The following ATXN7L1 variants were observed in gnomAD, a reference collection of about 807,000 sequenced individuals.
The protein encoded by ATXN7L1 is ataxin 7 like 1.
Under a neutral mutation model 70.8 loss-of-function variants are expected in ATXN7L1, and 15 were observed. That is an observed-to-expected ratio of 0.21 (90% CI 0.14 to 0.33). The LOEUF is 0.33. ATXN7L1 is among the 10% of genes least tolerant of loss of function. ATXN7L1 has a pLI of 1.00. For missense variants in ATXN7L1, 975 were observed against 1,097.1 expected (o/e 0.89, Z 1.57); for synonymous variants, 440 against 445.1 (o/e 0.99, Z 0.14).
At chr7:105,744,735 CTTT>C (rs11465151) in intron 3 of ATXN7L1, among the ~76,000 whole-genome samples, 1 of 117,116 alleles carries the variant, frequency 8.5e-6, no homozygotes, top group African/African-American at 3.3e-5. Flanking sequence ...TCTTTCTTTA[CTTT>C]TTTTTTTTTT....
At chr7:105,875,627 A>ACCCGC (rs1554490210) in intron 2 of ATXN7L1, among the ~76,000 whole-genome samples, 185 bp downstream of exon 2, 1 of 94,778 alleles carries the variant, frequency 1.1e-5, no homozygotes, top group Non-Finnish European at 2.0e-5. Flanking sequence ...ACCCCCCTTT[A>ACCCGC]CCCCCCCCCC....
At chr7:105,845,518 T>C (rs1159195388) in intron 2 of ATXN7L1, among the ~76,000 whole-genome samples, 1 of 124,514 alleles carries the variant, frequency 8.0e-6, no homozygotes, top group African/African-American at 2.9e-5. Flanking sequence ...ACCCAGTCTT[T>C]TTTTTTTTTT....
chr7:105,743,463 G>A (rs1005002156), intron 3 of ATXN7L1, among the ~76,000 whole-genome samples: 1 of 152,134 alleles, frequency 6.6e-6, no homozygotes, highest in Non-Finnish European at 1.5e-5. Context: ...GAGAATTCTC[G>A]GTTGCATAAG....
chr7:105,753,685 T>C (rs376877238), intron 3 of ATXN7L1, among the ~76,000 whole-genome samples: 21 of 152,326 alleles, frequency 1.4e-4, no homozygotes, highest in African/African-American at 4.3e-4. Context: ...ACTCTGGAAA[T>C]AAGTTTACAT....
chr7:105,736,056 A>G (rs970568504), intron 3 of ATXN7L1, among the ~76,000 whole-genome samples: 3 of 152,180 alleles, frequency 2.0e-5, no homozygotes, highest in African/African-American at 4.8e-5. Context: ...GCTTCTGAAG[A>G]TGGGTGATCC....
intron 2 of ATXN7L1, chr7:105,819,823 T>C (rs1809838134): frequency 7.9e-6 from 5 of 633,208 alleles, no homozygotes; most frequent in Non-Finnish European, 3.0e-6. Context: ...CCCACCGCCC[T>C]ATGACATGAA....
chr7:105,855,283 T>C (rs1009376816), intron 2 of ATXN7L1, among the ~76,000 whole-genome samples: 1 of 152,208 alleles, frequency 6.6e-6, no homozygotes, highest in Non-Finnish European at 1.5e-5. Flanking sequence ...AACTACTCCA[T>C]GCAGGCATTG....
chr7:105,714,316 C>T (rs1170569314), intron 3 of ATXN7L1, among the ~76,000 whole-genome samples: 1 of 152,228 alleles, frequency 6.6e-6, no homozygotes, highest in Admixed American at 6.5e-5. Flanking sequence ...ATCAGTGCCT[C>T]TGGCAGGAAA....
chr7:105,656,576 C>T (rs1377184180), intron 4 of ATXN7L1, among the ~76,000 whole-genome samples: 5 of 139,926 alleles, frequency 3.6e-5, no homozygotes, highest in African/African-American at 8.1e-5. Context: ...CTTCTTCTTC[C>T]TTTTTTTTTT....
At chr7:105,830,860 C>T (rs1811503527) in intron 2 of ATXN7L1, among the ~76,000 whole-genome samples, 1 of 152,192 alleles carries the variant, frequency 6.6e-6, no homozygotes, top group African/African-American at 2.4e-5. Flanking sequence ...TTCACTTCTG[C>T]AGAGCAGTAA....
intron 3 of ATXN7L1, among the ~76,000 whole-genome samples, chr7:105,693,733 A>T (rs10953481): frequency 0.53 from 80,489 of 152,000 alleles, 21,539 homozygotes; most frequent in East Asian, 0.63. Flanking sequence ...TCTTCTGGTT[A>T]CGGGGCCACC....
chr7:105,716,665 GCACACACACACACACACACA>G (rs58217531), intron 3 of ATXN7L1, among the ~76,000 whole-genome samples: 18 of 125,610 alleles, frequency 1.4e-4, no homozygotes, highest in Admixed American at 2.7e-4. Context: ...ACCTATCTCT[GCACACACACACACACACACA>G]CACACACACA....
intron 2 of ATXN7L1, among the ~76,000 whole-genome samples, chr7:105,838,783 C>T (rs554128037): frequency 2.0e-4 from 31 of 152,294 alleles, no homozygotes; most frequent in East Asian, 5.8e-4. Flanking sequence ...CCTGGATCAC[C>T]GGGCACCCTG....
In ATXN7L1 at chr7:105,784,435, A is replaced by AACAC. The variant is rs10667714; in HGVS notation, c.355+4165_355+4168dup. Among the ~76,000 whole-genome samples the AACAC allele has an allele frequency of 5.8e-3, 866 of 149,720 alleles. 5 individuals carry two copies. Among genetic ancestry groups the AACAC allele is most frequent in the African/African-American group, 0.011 (430 of 40,866 alleles). Reference sequence around the variant, plus strand: ...TGAAGTCCCCATAACTGACTGGCTAAACACACACACACACACACACACACT... The same window carrying AACAC: ...TGAAGTCCCCATAACTGACTGGCTAAACACACACACACACACACACACACACACT... On this transcript the variant is annotated intron_variant, in intron 3 of 11. Transcript: ENST00000419735.
intron 6 of ATXN7L1, among the ~76,000 whole-genome samples, 175 bp from the exon 7 acceptor site, chr7:105,638,784 C>A (rs772130583): frequency 6.6e-6 from 1 of 152,140 alleles, no homozygotes; most frequent in Non-Finnish European, 1.5e-5. Flanking sequence ...CACACGAACG[C>A]AACCATGCCC....
intron 3 of ATXN7L1, among the ~76,000 whole-genome samples, chr7:105,748,448 C>T (rs1466552111): frequency 6.6e-6 from 1 of 152,160 alleles, no homozygotes; most frequent in Admixed American, 6.5e-5. Flanking sequence ...TTAGGGATCT[C>T]TCTCCAGCTG....
At chr7:105,667,772 TCAGGTTAAAG>T (rs1048047499) in intron 3 of ATXN7L1, among the ~76,000 whole-genome samples, 2 of 151,786 alleles carry the variant, frequency 1.3e-5, no homozygotes, top group African/African-American at 4.8e-5. Flanking sequence ...TTGCCAGCCT[TCAGGTTAAAG>T]CTAGTTAGCG....
chr7:105,849,861 A>G (rs534701946), intron 2 of ATXN7L1, among the ~76,000 whole-genome samples: 19 of 152,228 alleles, frequency 1.2e-4, no homozygotes, highest in African/African-American at 4.6e-4. Flanking sequence ...AAGTTCACAC[A>G]TACCTGCACC....
Position 105,646,566 on chromosome 7 carries a change from C to T in ATXN7L1, c.579-3445G>A, listed in dbSNP as rs140839759. ...CCAAGTAACTGGGATTATAGGCACC[C>T]GCCACCACACTTGGCTAATTTTTGT... On this transcript the variant is annotated intron_variant, in intron 4 of 11. Transcript: ENST00000419735. Among the ~76,000 whole-genome samples, 1,206 of 152,116 alleles carry T rather than the reference C, an allele frequency of 7.9e-3. 24 individuals are homozygous for T. The highest frequency in any genetic ancestry group is 0.027 in the African/African-American group (1,134 of 41,492).
Sources: allele counts gnomAD v4.1 joint callset (sites outside exome capture counted in the v4.1 genomes callset), GRCh38; gene constraint gnomAD v4.1.1; transcripts MANE v1.5; gene names NCBI Gene and HGNC (gene_info 2026-07-23, HGNC 2026-07-21).